The following PTBP3 variants were observed in gnomAD, a reference collection of about 807,000 sequenced individuals.
PTBP3 encodes the protein polypyrimidine tract-binding protein 3.
Under a neutral mutation model 58.7 loss-of-function variants are expected in PTBP3, and 20 were observed. The observed-to-expected ratio is 0.34, with a 90% CI of 0.24 to 0.50. PTBP3 has a LOEUF of 0.50. Ranked by LOEUF, PTBP3 falls within the 20% of genes least tolerant of loss-of-function variation. PTBP3 has a pLI of 0.98. For synonymous variants in PTBP3, 185 were observed against 219.8 expected, an observed-to-expected ratio of 0.84 and a Z score of 1.40; for missense variants, 509 against 637.2, an observed-to-expected ratio of 0.80 and a Z score of 2.17.
chr9:112,241,685 C>T (rs950525698), intron 7 of PTBP3, among the ~76,000 whole-genome samples: 7 of 152,136 alleles, frequency 4.6e-5, no homozygotes, highest in Non-Finnish European at 1.0e-4. Flanking sequence ...TTTCTCAGAA[C>T]GTATCCCTGT....
Position 112,223,005 on chromosome 9 carries a change from G to A in PTBP3, c.*846C>T, listed in dbSNP as rs112206761. 6.8e-4 allele frequency: 575 copies of A among 844,846 alleles called. 13 individuals carry two copies. Among genetic ancestry groups the A allele is most frequent in the Non-Finnish European group, 3.4e-4 (238 of 701,834 alleles). The allele number at this position is 844,846 out of a possible 1,614,324, so 52.3% of individuals were successfully genotyped here. The stretch of plus-strand genomic sequence containing the variant: ...TTCTGAAAACAATTATAAAAAAGTA[G>A]TTTATAAGTAGGATTATTTTTCTTT... On this transcript the variant is annotated 3_prime_UTR_variant, in exon 14 of 14. Transcript: ENST00000374257.
At chr9:112,290,693 T>TAC in intron 2 of PTBP3, among the ~76,000 whole-genome samples, 1 of 79,232 alleles carries the variant, frequency 1.3e-5, no homozygotes, top group Non-Finnish European at 2.3e-5. Context: ...AAAAAATATA[T>TAC]ATATATATAT....
At chr9:112,309,593 C>A (rs1400885991) in intron 1 of PTBP3, among the ~76,000 whole-genome samples, 1 of 152,018 alleles carries the variant, frequency 6.6e-6, no homozygotes, top group African/African-American at 2.4e-5. Context: ...TGAGACCAGT[C>A]TGGCCAACAT....
intron 1 of PTBP3, among the ~76,000 whole-genome samples, chr9:112,310,706 G>C (rs1192337723): frequency 6.6e-6 from 1 of 152,174 alleles, no homozygotes; most frequent in Admixed American, 6.6e-5. Flanking sequence ...TAAAAAGTAG[G>C]AGAAAAAGCA....
intron 7 of PTBP3, among the ~76,000 whole-genome samples, chr9:112,245,278 C>T (rs987686998): frequency 7.2e-5 from 11 of 152,200 alleles, no homozygotes; most frequent in Non-Finnish European, 1.6e-4. Flanking sequence ...CCACTGCATT[C>T]CAGCCTGGGC....
the PTBP3 span, among the ~76,000 whole-genome samples, chr9:112,362,550 T>A: frequency 1.3e-5 from 2 of 152,222 alleles, no homozygotes; most frequent in African/African-American, 4.8e-5. Flanking sequence ...TTCCCTTCTG[T>A]GGCTTGTGCT....
At chr9:112,259,537 T>A (rs1184608138) in intron 5 of PTBP3, among the ~76,000 whole-genome samples, 3 of 152,196 alleles carry the variant, frequency 2.0e-5, no homozygotes, top group Non-Finnish European at 4.4e-5. Context: ...TTTCTCCACA[T>A]ACACATATAA....
intron 1 of PTBP3, among the ~76,000 whole-genome samples, chr9:112,300,520 T>TGGCG (rs1229205092): frequency 3.3e-5 from 5 of 151,432 alleles, no homozygotes; most frequent in African/African-American, 1.2e-4. Context: ...TGGGAGGGCT[T>TGGCG]GGCGGGCGGA....
chr9:112,249,296 T>C (rs1836008695), intron 7 of PTBP3, among the ~76,000 whole-genome samples: 1 of 152,130 alleles, frequency 6.6e-6, no homozygotes, highest in Admixed American at 6.5e-5. Context: ...GGTAGTCACA[T>C]GGGTGTTTAT....
intron 1 of PTBP3, among the ~76,000 whole-genome samples, chr9:112,323,645 T>C (rs1399727851): frequency 6.6e-6 from 1 of 152,170 alleles, no homozygotes; most frequent in African/African-American, 2.4e-5. Context: ...AAATGAAGAA[T>C]ACTTTCAGTA....
intron 1 of PTBP3, among the ~76,000 whole-genome samples, chr9:112,313,619 T>TGA (rs1306783358): frequency 6.6e-6 from 1 of 152,226 alleles, no homozygotes; most frequent in Non-Finnish European, 1.5e-5. Context: ...CTTCCACACT[T>TGA]ACTCAAGTGG....
intron 1 of PTBP3, among the ~76,000 whole-genome samples, chr9:112,306,869 G>C (rs961598625): frequency 1.3e-5 from 2 of 151,982 alleles, no homozygotes; most frequent in Middle Eastern, 3.2e-3. Flanking sequence ...ACCCACCTTG[G>C]CCTCCCAAAG....
At chr9:112,379,840 C>A in the PTBP3 span, 1 of 507,462 alleles carries the variant, frequency 2.0e-6, no homozygotes, top group South Asian at 2.4e-5. Context: ...GCTGCCCAGA[C>A]GCTAGGCGCC....
the PTBP3 span, among the ~76,000 whole-genome samples, chr9:112,345,466 C>G: frequency 6.6e-6 from 1 of 150,756 alleles, no homozygotes; most frequent in East Asian, 1.9e-4. Flanking sequence ...GCCTCCACCT[C>G]CTGGGTTCAG....
At chr9:112,256,307 A>ATATATATATATT (rs1836359411) in intron 5 of PTBP3, among the ~76,000 whole-genome samples, 1 of 31,702 alleles carries the variant, frequency 3.2e-5, no homozygotes, top group Non-Finnish European at 5.4e-5. Flanking sequence ...ATATATATAT[A>ATATATATATATT]TATTTATCTA....
upstream of PTBP3, chr9:112,333,628 G>C (rs573718095): frequency 6.0e-6 from 5 of 832,596 alleles, no homozygotes; most frequent in South Asian, 8.0e-5. Context: ...GTGGGAACAG[G>C]GGCGGGGACC....
At chr9:112,241,626 A>G (rs1835663884) in intron 7 of PTBP3, among the ~76,000 whole-genome samples, 1 of 152,232 alleles carries the variant, frequency 6.6e-6, no homozygotes, top group South Asian at 2.1e-4. Flanking sequence ...TTAGTAGGCT[A>G]TAACATCTAT....
At chr9:112,365,697 T>G in the PTBP3 span, among the ~76,000 whole-genome samples, 1 of 151,742 alleles carries the variant, frequency 6.6e-6, no homozygotes, top group African/African-American at 2.4e-5. Flanking sequence ...TAGACAGAGG[T>G]TGGAACAGTT....
intron 3 of PTBP3, among the ~76,000 whole-genome samples, chr9:112,273,873 A>C (rs745922940): frequency 1.3e-5 from 2 of 152,246 alleles, no homozygotes; most frequent in Non-Finnish European, 1.5e-5. Flanking sequence ...TTTTCTAAAC[A>C]GGATTTGTGA....
Sources: gnomAD v4.1 joint callset for allele counts (sites outside exome capture counted in the v4.1 genomes callset) on GRCh38, gnomAD v4.1.1 for gene constraint, MANE v1.5 for transcripts, NCBI Gene and HGNC (gene_info 2026-07-23, HGNC 2026-07-21) for gene names.